ZNF667: variants seen among roughly 807,000 people sequenced by gnomAD.
ZNF667 encodes myocardial ischemic preconditioning upregulated 1 ortholog.
Under a neutral mutation model 31.8 loss-of-function variants are expected in ZNF667, and 13 were observed. That is an observed-to-expected ratio of 0.41 (90% CI 0.27 to 0.65). The LOEUF (loss-of-function observed/expected upper bound fraction) is 0.65, where lower values mean the gene tolerates loss of function less well. Among genes scored for constraint, ZNF667 ranks in the 30% least tolerant of loss-of-function variants. The pLI is 0.32. For missense variants in ZNF667, 642 were observed against 725.6 expected (o/e 0.88, Z 1.32); for synonymous variants, 228 against 247.1 (o/e 0.92, Z 0.73).
rs772489331 is a variant in ZNF667, at chr19:56,441,538, A to G, written c.1457T>C (p.Leu486Pro). 14 of 1,614,152 alleles carry G rather than the reference A, an allele frequency of 8.7e-6. No homozygotes were observed. Among genetic ancestry groups the G allele is most frequent in the South Asian group, 3.3e-5 (3 of 91,084 alleles). ...CGKAFSHRIS[L>P]TRHKRIHTED... is the part of the protein sequence containing the mutation. ...AGTATGAATTCTCTTATGTCGTGTG[A>G]GAGATATTCGGTGGCTGAAGGCTTT... Residue 486 changes from leucine to proline, a missense_variant, in exon 7 of 7, where the codon CTC (leucine) becomes CCC (proline). Leu to Pro is a moderately conservative substitution (Grantham distance 98, BLOSUM62 -3). Coordinates refer to ENST00000504904, the MANE Select transcript of ZNF667 (RefSeq NM_001321356.2). The surrounding 1 kb of genome is among the most constrained non-coding windows in gnomAD (Gnocchi z 4.2).
chr19:56,474,480 T>C (rs938101881), intron 1 of ZNF667: 1 of 152,262 alleles, frequency 6.6e-6, no homozygotes, highest in African/African-American at 2.4e-5. Context: ...CATATGCATG[T>C]CTAGCCTGCC....
chr19:56,468,463 C>T (rs943581507), intron 3 of ZNF667: 2 of 152,264 alleles, frequency 1.3e-5, no homozygotes, highest in Non-Finnish European at 2.9e-5. Context: ...GCCCTTGCTT[C>T]GAGTTGTCCC....
intron 4 of ZNF667, among the ~76,000 whole-genome samples, chr19:56,461,664 C>G (rs774002182): frequency 1.3e-5 from 2 of 152,206 alleles, no homozygotes; most frequent in Non-Finnish European, 2.9e-5. Context: ...TAATCTGTTA[C>G]AGCAGCAAGG....
Position 56,471,804 on chromosome 19 carries a change from C to G in ZNF667, c.-165G>C. ...CCCGCAGTTTTCACAGGTGTGTGCA[C>G]TCAGCCACGCACCCCAAATTTGAGA... is the stretch of plus-strand genomic sequence containing the variant. On this transcript the variant is annotated 5_prime_UTR_variant, in exon 3 of 7. Transcript: ENST00000504904. The G allele has an allele frequency of 6.6e-6, 1 of 152,202 alleles. No individual in the cohort carries two copies. The highest frequency in any genetic ancestry group is 1.9e-4 in the East Asian group (1 of 5,192). 9.4% of individuals were successfully genotyped at this position (152,202 alleles called of 1,614,324 possible). A position where few individuals can be genotyped will look rare whatever the true frequency, so the allele number is the denominator to read the frequency against.
chr19:56,451,457 C>T (rs1432159915), intron 6 of ZNF667, among the ~76,000 whole-genome samples: 1 of 152,126 alleles, frequency 6.6e-6, no homozygotes, highest in Non-Finnish European at 1.5e-5. Flanking sequence ...ACCTAATGGA[C>T]CTAATAGATA....
chr19:56,473,381 A>T (rs1333040479), intron 2 of ZNF667, among the ~76,000 whole-genome samples: 1 of 152,200 alleles, frequency 6.6e-6, no homozygotes, highest in African/African-American at 2.4e-5. Context: ...TGGTGCCAGG[A>T]AGCAGGGCCA....
intron 6 of ZNF667, among the ~76,000 whole-genome samples, chr19:56,456,565 A>T (rs529176487): frequency 6.6e-6 from 1 of 152,318 alleles, no homozygotes; most frequent in Admixed American, 6.5e-5. Flanking sequence ...CTGCAAAGTA[A>T]TTCAGAAGTA....
chr19:56,468,863 T>C (rs1457310379), intron 3 of ZNF667: 1 of 152,220 alleles, frequency 6.6e-6, no homozygotes. Flanking sequence ...AATTGCAAGA[T>C]GGAAGCTATG....
intron 6 of ZNF667, among the ~76,000 whole-genome samples, chr19:56,449,888 A>C (rs1333049874): frequency 6.6e-6 from 1 of 151,720 alleles, no homozygotes. Flanking sequence ...TTGATCAAGC[A>C]GAAGAAATAG....
In ZNF667 at chr19:56,441,050, T is replaced by C; in HGVS notation, c.*112A>G. On this transcript the variant is annotated 3_prime_UTR_variant, in exon 7 of 7. Transcript: ENST00000504904. The surrounding 1 kb of genome is among the most constrained non-coding windows in gnomAD (Gnocchi z 4.2). ...GACTTTTGCTCTTTGGCTTTCAAAG[T>C]GGGACATATCATCAAATGGTCCCAT... 3 of 1,473,230 alleles carry C rather than the reference T, an allele frequency of 2.0e-6. No homozygotes were observed. The highest frequency in any genetic ancestry group is 2.7e-6 in the Non-Finnish European group (3 of 1,116,386). 91.3% of individuals were successfully genotyped at this position (1,473,230 alleles called of 1,614,324 possible).
intron 4 of ZNF667, among the ~76,000 whole-genome samples, 198 bp downstream of exon 4, chr19:56,462,140 G>C (rs1040067592): frequency 1.3e-5 from 2 of 152,228 alleles, no homozygotes; most frequent in African/African-American, 4.8e-5. Context: ...ACTGGGAATG[G>C]AGAGAGGCTC....
intron 1 of ZNF667, among the ~76,000 whole-genome samples, chr19:56,476,395 GC>G (rs1280093165): frequency 6.6e-6 from 1 of 152,122 alleles, no homozygotes. Flanking sequence ...GACAAAGATA[GC>G]CCAGTCCGAA....
intron 6 of ZNF667, among the ~76,000 whole-genome samples, chr19:56,447,418 G>T (rs1458185207): frequency 2.0e-5 from 3 of 152,148 alleles, no homozygotes; most frequent in African/African-American, 4.8e-5. Context: ...TATCCAGTAT[G>T]GGTAAACCAA....
At chr19:56,449,323 C>G in intron 6 of ZNF667, 1 of 414,658 alleles carries the variant, frequency 2.4e-6, no homozygotes, top group South Asian at 1.8e-5. Context: ...CTAAATAAGG[C>G]AACAGTGACC....
At chr19:56,472,845 G>A (rs2043321752) in intron 2 of ZNF667, 1 of 152,130 alleles carries the variant, frequency 6.6e-6, no homozygotes, top group African/African-American at 2.4e-5. Context: ...AGTACAGGGG[G>A]TTGGTACCAC....
chr19:56,452,877 C>A (rs2042862310), intron 6 of ZNF667, among the ~76,000 whole-genome samples: 1 of 151,476 alleles, frequency 6.6e-6, no homozygotes, highest in African/African-American at 2.4e-5. Flanking sequence ...CGAGATTGTG[C>A]CACTGCACTC....
At chr19:56,457,621 C>T (rs573219051) in intron 6 of ZNF667, among the ~76,000 whole-genome samples, 2 of 152,172 alleles carry the variant, frequency 1.3e-5, no homozygotes, top group Admixed American at 6.5e-5. Flanking sequence ...TTTTCTTCCT[C>T]CAGGACTCAT....
rs2042573981 is a variant in ZNF667, at chr19:56,440,175, A to G, written c.*987T>C. On this transcript the variant is annotated 3_prime_UTR_variant, in exon 7 of 7. Coordinates refer to ENST00000504904, the MANE Select transcript of ZNF667 (RefSeq NM_001321356.2). ...CATACCAGTATTGTTACATGAAAAT[A>G]CCAATGTTTACTCATATAAATATAG... The G allele has an allele frequency of 6.6e-6, 1 of 152,250 alleles. No homozygotes were observed. The highest frequency in any genetic ancestry group is 2.1e-4 in the South Asian group (1 of 4,834). 9.4% of individuals were successfully genotyped at this position (152,250 alleles called of 1,614,324 possible). A position where few individuals can be genotyped will look rare whatever the true frequency, so the allele number is the denominator to read the frequency against.
At chr19:56,467,616 T>A (rs1449743022) in intron 3 of ZNF667, 1 of 152,226 alleles carries the variant, frequency 6.6e-6, no homozygotes. Context: ...CAGTTGCAAG[T>A]CTGGACTTCA....
Sources: gnomAD v4.1 joint callset for allele counts (sites outside exome capture counted in the v4.1 genomes callset) on GRCh38, gnomAD v4.1.1 for gene constraint, Gnocchi (gnomAD v3.1) non-coding constraint, MANE v1.5 for transcripts, NCBI Gene and HGNC (gene_info 2026-07-23, HGNC 2026-07-21) for gene names.